MAGI1: variants seen among roughly 807,000 people sequenced by gnomAD.
The protein encoded by MAGI1 is membrane associated guanylate kinase, WW and PDZ domain containing 1.
A neutral mutation model predicts 139.9 loss-of-function variants in MAGI1; 58 were observed. That is an observed-to-expected ratio of 0.41 (90% CI 0.34 to 0.52). The LOEUF is 0.52. Ranked by LOEUF, MAGI1 falls within the 20% of genes least tolerant of loss-of-function variation. The probability of loss-of-function intolerance (pLI) is 0.12; values close to 1 mark genes in which losing one functional copy is unlikely to be tolerated. For synonymous variants in MAGI1, 812 were observed against 737.9 expected (o/e 1.10, Z -1.63); for missense variants, 1,874 against 1,901.6 (o/e 0.99, Z 0.27).
intron 1 of MAGI1, among the ~76,000 whole-genome samples, chr3:65,964,335 A>G (rs1374043596): frequency 6.6e-6 from 1 of 152,198 alleles, no homozygotes; most frequent in African/African-American, 2.4e-5. Flanking sequence ...TATCAAAATC[A>G]GACCCTACAA....
chr3:65,984,679 G>A (rs966813822), intron 1 of MAGI1, among the ~76,000 whole-genome samples: 29 of 148,868 alleles, frequency 1.9e-4, no homozygotes, highest in African/African-American at 5.4e-4. Context: ...GGGACCACAG[G>A]CATGCACCAC....
chr3:65,553,622 G>A (rs2079952963), intron 2 of MAGI1, among the ~76,000 whole-genome samples: 1 of 152,104 alleles, frequency 6.6e-6, no homozygotes, highest in Non-Finnish European at 1.5e-5. Context: ...TAATAACAGC[G>A]GTGCAAGGGG....
At chr3:65,403,633 T>G (rs1056208282) in intron 12 of MAGI1, among the ~76,000 whole-genome samples, 2 of 152,186 alleles carry the variant, frequency 1.3e-5, no homozygotes, top group African/African-American at 4.8e-5. Context: ...CACTTGACTC[T>G]GCCCAGGATC....
chr3:65,983,487 A>G (rs1197302481), intron 1 of MAGI1, among the ~76,000 whole-genome samples: 8 of 152,252 alleles, frequency 5.3e-5, no homozygotes, highest in African/African-American at 1.7e-4. Context: ...GTTTGGATGA[A>G]AAGAATTTCA....
chr3:65,911,852 C>A (rs1338713626), intron 1 of MAGI1, among the ~76,000 whole-genome samples: 1 of 152,190 alleles, frequency 6.6e-6, no homozygotes, highest in African/African-American at 2.4e-5. Flanking sequence ...CTGTGTAAGG[C>A]ACTGTGCTTA....
chr3:65,809,085 G>A (rs1402011121), intron 1 of MAGI1, among the ~76,000 whole-genome samples: 1 of 152,188 alleles, frequency 6.6e-6, no homozygotes, highest in Non-Finnish European at 1.5e-5. Flanking sequence ...CAATGATTAT[G>A]GTCCACAGGG....
chr3:65,624,298 CA>C (rs879816889), intron 1 of MAGI1, among the ~76,000 whole-genome samples: 75 of 145,040 alleles, frequency 5.2e-4, no homozygotes, highest in Middle Eastern at 3.7e-3. Flanking sequence ...AACAAGTCCA[CA>C]AAAAAAAAAA....
At chr3:65,538,210 T>A (rs1047422122) in intron 2 of MAGI1, among the ~76,000 whole-genome samples, 3 of 152,146 alleles carry the variant, frequency 2.0e-5, no homozygotes, top group Admixed American at 6.5e-5. Flanking sequence ...TCCACTAACT[T>A]ATAGGTTGGA....
intron 1 of MAGI1, among the ~76,000 whole-genome samples, chr3:65,737,748 G>C (rs942301736): frequency 3.3e-5 from 5 of 152,184 alleles, no homozygotes; most frequent in African/African-American, 4.8e-5. Context: ...GATTTTAAAT[G>C]AGGAAGTGAG....
intron 2 of MAGI1, among the ~76,000 whole-genome samples, chr3:65,617,759 A>T (rs1171534888): frequency 6.6e-6 from 1 of 151,874 alleles, no homozygotes; most frequent in African/African-American, 2.4e-5. Flanking sequence ...AATGTTAAGT[A>T]AGGAAGAAAA....
intron 1 of MAGI1, among the ~76,000 whole-genome samples, chr3:65,841,351 G>C (rs949068523): frequency 7.3e-5 from 11 of 151,674 alleles, no homozygotes; most frequent in Admixed American, 2.0e-4. Context: ...CTAGTTTCTT[G>C]ATGTAGGGGC....
Position 65,391,265 on chromosome 3 carries a change from G to C in MAGI1, c.2293C>G (p.Gln765Glu). The C allele has an allele frequency of 6.2e-7, 1 of 1,614,210 alleles. No individual in the cohort carries two copies. The highest frequency in any genetic ancestry group is 8.5e-7 in the Non-Finnish European group (1 of 1,180,046). ...GCAGGTGGGAACTCGGGGAGCACCT[G>C]TGTGCTGTGGCTTGGGGATGCTGTG... ...LHTASPSHST[Q>E]VLPEFPPAEA... Residue 765 changes from glutamine (Q) to glutamate (E), a missense_variant, in exon 14 of 23, where the codon CAG becomes GAG. By Grantham distance (29) the Gln-to-Glu change is conservative. Around this residue, in one of 5 missense-constraint regions of MAGI1, gnomAD observed 482 missense variants for 509.6 expected, o/e 0.95. Transcript: ENST00000402939.
chr3:65,517,374 T>C (rs777577583), intron 2 of MAGI1, among the ~76,000 whole-genome samples: 15 of 152,138 alleles, frequency 9.9e-5, no homozygotes, highest in Non-Finnish European at 2.1e-4. Context: ...ACCCTTGAAC[T>C]ACCTATCCTG....
At chr3:65,609,294 T>C (rs1241971574) in intron 2 of MAGI1, among the ~76,000 whole-genome samples, 1 of 152,050 alleles carries the variant, frequency 6.6e-6, no homozygotes, top group African/African-American at 2.4e-5. Context: ...TGTTTTTTTT[T>C]TGAGATGGAG....
chr3:65,402,548 C>G (rs555174334), intron 12 of MAGI1, among the ~76,000 whole-genome samples: 1 of 152,164 alleles, frequency 6.6e-6, no homozygotes, highest in Non-Finnish European at 1.5e-5. Context: ...AATACAGATT[C>G]TATCTGTATA....
intron 1 of MAGI1, among the ~76,000 whole-genome samples, chr3:65,851,080 T>C (rs1391992747): frequency 6.6e-6 from 1 of 151,524 alleles, no homozygotes. Context: ...GCACTTCAGC[T>C]GGGGGACAAG....
intron 1 of MAGI1, among the ~76,000 whole-genome samples, chr3:65,704,386 A>G (rs2089817672): frequency 6.6e-6 from 1 of 152,218 alleles, no homozygotes; most frequent in Non-Finnish European, 1.5e-5. Flanking sequence ...AGGAGGGAGC[A>G]TCTACCCTTT....
intron 1 of MAGI1, among the ~76,000 whole-genome samples, chr3:65,897,897 G>GA (rs35521432): frequency 0.49 from 73,313 of 148,116 alleles, 18,223 homozygotes; most frequent in East Asian, 0.75. Flanking sequence ...GAAAAGGGGG[G>GA]AAAAAAAAAA....
intron 1 of MAGI1, among the ~76,000 whole-genome samples, chr3:65,815,015 G>C (rs1279528588): frequency 6.7e-6 from 1 of 149,944 alleles, no homozygotes. Context: ...TCATCCACTT[G>C]GGAAACACAG....
Sources: allele counts gnomAD v4.1 joint callset (sites outside exome capture counted in the v4.1 genomes callset), GRCh38; gene constraint gnomAD v4.1.1; regional missense constraint gnomAD v4.1.1; transcripts MANE v1.5; gene names NCBI Gene and HGNC (gene_info 2026-07-23, HGNC 2026-07-21).